TNS1: variants seen among roughly 807,000 people sequenced by gnomAD.
The protein encoded by TNS1 is tensin 1.
In TNS1, 62 loss-of-function variants were observed where a neutral mutation model predicts 168.6. That is an observed-to-expected ratio of 0.37 (90% confidence interval 0.30 to 0.45). TNS1 has a LOEUF of 0.45. TNS1 is among the 20% of genes least tolerant of loss of function. The pLI, the probability that TNS1 is intolerant of heterozygous loss-of-function variation, is 1.00. For missense variants in TNS1, 2,240 were observed against 2,339.4 expected (o/e 0.96, Z 0.88); for synonymous variants, 934 against 933.2 (o/e 1.00, Z -0.02).
At chr2:217,835,830 G>T (rs1945088060) in intron 20 of TNS1, among the ~76,000 whole-genome samples, 185 bp downstream of exon 20, 1 of 152,124 alleles carries the variant, frequency 6.6e-6, no homozygotes, top group Non-Finnish European at 1.5e-5. Flanking sequence ...CAAGAAGTGG[G>T]AACATAGAGC....
intron 10 of TNS1, 50 bp downstream of exon 10, chr2:217,893,389 T>A (rs757947817): frequency 3.4e-6 from 5 of 1,482,484 alleles, no homozygotes; most frequent in Non-Finnish European, 4.5e-6. Flanking sequence ...CATGTGCGCA[T>A]GTGCGCGCGC....
chr2:217,921,937 C>T (rs73078361), intron 3 of TNS1, among the ~76,000 whole-genome samples: 3,775 of 152,142 alleles, frequency 0.025, 173 homozygotes, highest in African/African-American at 0.084. Flanking sequence ...GATAAGTGGC[C>T]GAGATTTGAA....
In TNS1 at chr2:217,804,286, CTCTT is replaced by C. The variant is rs1019448923; in HGVS notation, c.*169_*172del. ...TCTCTCTCTCTCTCTCTCTCTCTCT[CTCTT>C]TTCCCCCTCCCCTCTGCAATTCACT... On this transcript the variant is annotated 3_prime_UTR_variant, in exon 33 of 33. Transcript: ENST00000682258. 2.5e-5 allele frequency: 17 copies of C among 692,476 alleles called. No individual in the cohort carries two copies. The highest frequency in any genetic ancestry group is 1.1e-4 in the East Asian group (4 of 35,460). The allele number at this position is 692,476 out of a possible 1,614,324, so 42.9% of individuals were successfully genotyped here.
In TNS1 at chr2:217,848,775, G is replaced by A. The variant is rs1947059219; in HGVS notation, c.1742C>T (p.Ala581Val). The change falls in exon 19 of 33, where the codon GCC (alanine) becomes GTC (valine). Residue 581 changes from alanine (A) to valine (V), a missense_variant. Transcript: ENST00000682258. ...GFGLEREKQG[A>V]MYHTQHLRSR... ...CCTGAGGTGCTGGGTGTGGTACATG[G>A]CGCCTTGCTTCTCTCGCTCTAAGCC... The A allele has an allele frequency of 6.2e-7, 1 of 1,614,044 alleles. No homozygotes were observed. Among genetic ancestry groups the A allele is most frequent in the African/African-American group, 1.3e-5 (1 of 74,926 alleles).
intron 22 of TNS1, among the ~76,000 whole-genome samples, chr2:217,828,616 G>A (rs927969591): frequency 6.6e-6 from 1 of 152,176 alleles, no homozygotes; most frequent in Non-Finnish European, 1.5e-5. Flanking sequence ...GTCCTCACTC[G>A]AGTTCTGCTC....
chr2:217,892,469 G>C (rs1380034468), intron 11 of TNS1, among the ~76,000 whole-genome samples: 2 of 152,216 alleles, frequency 1.3e-5, no homozygotes, highest in African/African-American at 2.4e-5. Context: ...GAGTGGGATT[G>C]GAAAGGGAGT....
In TNS1 at chr2:217,893,402, A is replaced by G. The variant is rs3835057; in HGVS notation, c.717+37T>C. The G allele has an allele frequency of 0.02, 9,051 of 444,942 alleles. 189 individuals carry two copies. The African/African-American group carries it at 0.22, about 11-fold the overall frequency. 27.6% of individuals were successfully genotyped at this position (444,942 alleles called of 1,614,324 possible). On this transcript the variant is annotated intron_variant, in intron 10 of 32. Transcript: ENST00000682258. ...CACATGTGCGCATGTGCGCGCGCGC[A>G]CACACACACACACACACACACACAC...
At chr2:217,884,953 C>T in intron 16 of TNS1, 82 bp downstream of exon 16, 1 of 1,567,712 alleles carries the variant, frequency 6.4e-7, no homozygotes, top group Non-Finnish European at 8.7e-7. Context: ...AAGATGGTCC[C>T]CATACCCACC....
intron 18 of TNS1, among the ~76,000 whole-genome samples, chr2:217,863,028 G>A (rs1948929356): frequency 6.6e-6 from 1 of 151,532 alleles, no homozygotes; most frequent in South Asian, 2.1e-4. Flanking sequence ...GAGGAAGGGG[G>A]CCCAGCCTCC....
At chr2:217,933,894 G>A (rs940362243) in intron 3 of TNS1, among the ~76,000 whole-genome samples, 3 of 152,220 alleles carry the variant, frequency 2.0e-5, no homozygotes, top group African/African-American at 7.2e-5. Flanking sequence ...TTATGGGGTG[G>A]AAGCACAGGT....
At position 217,848,705 on chromosome 2, in the gene TNS1, G is replaced by C. The variant is rs373984284; in HGVS notation, c.1812C>G (p.His604Gln). ...GGSAVPSSGR[H>Q]VVPAQVHVNG... Reference sequence around the variant, plus strand: ...TGACATGAACCTGGGCTGGGACAACGTGGCGTCCAGAGGAGGGCACAGCCG... The same window carrying C: ...TGACATGAACCTGGGCTGGGACAACCTGGCGTCCAGAGGAGGGCACAGCCG... Residue 604 changes from histidine (H) to glutamine (Q), a missense_variant, in exon 19 of 33, where the codon CAC (histidine) becomes CAG (glutamine). Physicochemically the swap from His to Gln is conservative, Grantham distance 24. Transcript: ENST00000682258. 9.3e-6 allele frequency: 15 copies of C among 1,614,214 alleles called. No homozygotes were observed. Among genetic ancestry groups the C allele is most frequent in the Admixed American group, 6.7e-5 (4 of 60,032 alleles).
rs1942546030 is a variant in TNS1 at position 217,819,907 on chromosome 2, G to T, written c.3573-1148C>A. ...TGCAGGCTGGAAGGATCTTGTTGTG[G>T]GCTGGCCCTCCCTGGGCCAGGCTGG... On this transcript the variant is annotated intron_variant, in intron 23 of 32. Transcript: ENST00000682258. Among the ~76,000 whole-genome samples the T allele has an allele frequency of 2.0e-5, 3 of 152,130 alleles. No individual in the cohort carries two copies. The South Asian group carries it at 6.2e-4, about 31-fold the overall frequency.
At chr2:218,026,593 G>A (rs1287188768) in intron 1 of TNS1, among the ~76,000 whole-genome samples, 2 of 152,172 alleles carry the variant, frequency 1.3e-5, no homozygotes, top group Non-Finnish European at 2.9e-5. Context: ...AGGAAAAGGT[G>A]GCTGTAGGGC....
At chr2:217,964,892 C>T (rs1014804834) in intron 3 of TNS1, among the ~76,000 whole-genome samples, 6 of 152,236 alleles carry the variant, frequency 3.9e-5, no homozygotes, top group African/African-American at 1.2e-4. Context: ...CTAACGGCCC[C>T]CCGCTAACAT....
chr2:217,940,018 T>A (rs962500397), intron 3 of TNS1, among the ~76,000 whole-genome samples: 14 of 152,358 alleles, frequency 9.2e-5, no homozygotes, highest in African/African-American at 3.4e-4. Context: ...TGACCTTGCA[T>A]AATGGAAGTG....
Position 217,817,954 on chromosome 2 carries a change from A to G in TNS1, c.4378T>C (p.Ser1460Pro), listed in dbSNP as rs557552474. The G allele has an allele frequency of 6.2e-7, 1 of 1,609,148 alleles. No individual in the cohort carries two copies. The highest frequency in any genetic ancestry group is 1.7e-5 in the Admixed American group (1 of 59,160). The change falls in exon 24 of 33, where the codon TCC (serine) becomes CCC (proline). Residue 1460 changes from serine (S) to proline (P), a missense_variant. Physicochemically the swap from Ser to Pro is moderately conservative, Grantham distance 74 (BLOSUM62 -1). Around this residue, in one of 2 missense-constraint regions of TNS1, gnomAD observed 2,131 missense variants for 2,171.2 expected, o/e 0.98. Transcript: ENST00000682258. ...CTCAGGCCAGGGTAGTAGGCAGGGG[A>G]GACAGGGAAGGAGGGCGTGGAAGGA... ...QAPSTPSFPV[S>P]PAYYPGLSSP...
At chr2:217,901,050 A>T (rs1432203670) in intron 6 of TNS1, among the ~76,000 whole-genome samples, 1 of 152,118 alleles carries the variant, frequency 6.6e-6, no homozygotes. Context: ...GGCCTAAGAC[A>T]GTGAGCCATG....
At chr2:217,915,962 G>A (rs749605759) in intron 4 of TNS1, among the ~76,000 whole-genome samples, 5 of 152,314 alleles carry the variant, frequency 3.3e-5, no homozygotes, top group East Asian at 1.9e-4. Context: ...TCATGCTTAG[G>A]AGGGTGAACT....
chr2:218,016,845 T>A (rs58263015), intron 1 of TNS1, among the ~76,000 whole-genome samples: 2,783 of 151,566 alleles, frequency 0.018, 100 homozygotes, highest in African/African-American at 0.065. Context: ...AGGAGGAACA[T>A]GAAAGGAAAG....
Sources: allele counts gnomAD v4.1 joint callset (sites outside exome capture counted in the v4.1 genomes callset), GRCh38; gene constraint gnomAD v4.1.1; regional missense constraint gnomAD v4.1.1; transcripts MANE v1.5; gene names NCBI Gene and HGNC (gene_info 2026-07-23, HGNC 2026-07-21).